The following ESR1 variants were observed in gnomAD, a reference collection of about 807,000 sequenced individuals.
ESR1 encodes estrogen receptor 1, also known as estrogen receptor.
ESR1 carries 12 observed loss-of-function variants against 52.7 expected under a neutral mutation model. The observed-to-expected ratio is 0.23, with a 90% CI of 0.15 to 0.37. The LOEUF is 0.37. Among genes scored for constraint, ESR1 ranks in the 10% least tolerant of loss-of-function variants. ESR1 has a pLI of 1.00. For synonymous variants in ESR1, 305 were observed against 316.8 expected (o/e 0.96, Z 0.39); for missense variants, 584 against 779.7 (o/e 0.75, Z 2.99).
chr6:152,090,624 C>T (rs987381457), intron 6 of ESR1, among the ~76,000 whole-genome samples: 2 of 152,174 alleles, frequency 1.3e-5, no homozygotes, highest in Non-Finnish European at 2.9e-5. Context: ...CTCCAGCTTC[C>T]GGAAGACTCC....
chr6:152,122,778 C>G lies in ESR1; in HGVS notation c.851-2488C>G, dbSNP rs930046198. 4 of 1,571,750 alleles carry G rather than the reference C, an allele frequency of 2.5e-6. No homozygotes were observed. The African/African-American group carries it at 5.4e-5, about 21-fold the overall frequency. Reference sequence around the variant, plus strand: ...CTGGAAGCTAAAGGGCCATGCCAAGCACACCCCAGCCTGGCGATCAGCTGC... The same window carrying G: ...CTGGAAGCTAAAGGGCCATGCCAAGGACACCCCAGCCTGGCGATCAGCTGC... On this transcript the variant is annotated intron_variant, in intron 6 of 6. Transcript: ENST00000427531.
chr6:151,894,011 C>T (rs941089926), intron 3 of ESR1, among the ~76,000 whole-genome samples: 30 of 152,298 alleles, frequency 2.0e-4, no homozygotes, highest in Non-Finnish European at 2.8e-4. Flanking sequence ...TACATTCCCA[C>T]CAGCAGTATA....
At position 151,776,119 on chromosome 6, in the gene ESR1, G is replaced by T. The variant is rs78560648; in HGVS notation, c.-70-31724G>T. Among the ~76,000 whole-genome samples the T allele has an allele frequency of 1.2e-4, 18 of 152,304 alleles. No homozygotes were observed. In the East Asian group the frequency reaches 3.5e-3, roughly 29 times the overall value. On this transcript the variant is annotated intron_variant, in intron 2 of 2. Transcript: ENST00000404742. ...GAGGCAGGAAGAGCAGGTAAAGCAA[G>T]TTCGAGGAAAGAGGCTGGGTCAGAG...
intron 3 of ESR1, among the ~76,000 whole-genome samples, chr6:151,930,303 G>T (rs969862503): frequency 6.6e-6 from 1 of 152,048 alleles, no homozygotes; most frequent in African/African-American, 2.4e-5. Flanking sequence ...CTTCTTTAAA[G>T]AATTTTTGTA....
upstream of ESR1, among the ~76,000 whole-genome samples, chr6:151,801,051 GGTGTGTGTGTGTGTGTGT>G (rs3062689): frequency 2.7e-5 from 4 of 147,612 alleles, no homozygotes; most frequent in Admixed American, 2.0e-4. Flanking sequence ...TTGATTATGT[GGTGTGTGTGTGTGTGTGT>G]GTGTGTGTGT....
intron 6 of ESR1, among the ~76,000 whole-genome samples, chr6:152,114,771 G>A (rs891861475): frequency 4.0e-5 from 6 of 149,686 alleles, no homozygotes; most frequent in East Asian, 2.0e-4. Flanking sequence ...GGCGCCTGTA[G>A]TCCCAGCTAC....
At chr6:151,813,816 G>C (rs1359249554) in intron 1 of ESR1, among the ~76,000 whole-genome samples, 1 of 152,236 alleles carries the variant, frequency 6.6e-6, no homozygotes, top group Admixed American at 6.5e-5. Flanking sequence ...AATTATAAAA[G>C]TTCACTTAAA....
chr6:152,000,858 T>C (rs368317013), intron 4 of ESR1, among the ~76,000 whole-genome samples: 17 of 152,168 alleles, frequency 1.1e-4, no homozygotes, highest in East Asian at 7.7e-4. Flanking sequence ...AACAAGAGGC[T>C]TTGCAATCTT....
At chr6:152,072,175 A>G (rs889353173) in intron 6 of ESR1, among the ~76,000 whole-genome samples, 3 of 152,218 alleles carry the variant, frequency 2.0e-5, no homozygotes, top group Admixed American at 6.5e-5. Flanking sequence ...GAAACAAATT[A>G]TCTTCTCTCA....
chr6:151,847,732 C>A (rs1369125885), intron 2 of ESR1, among the ~76,000 whole-genome samples: 1 of 127,874 alleles, frequency 7.8e-6, no homozygotes, highest in Non-Finnish European at 1.7e-5. Context: ...TGTGCAGAAG[C>A]TCTTTAGTTT....
intron 3 of ESR1, among the ~76,000 whole-genome samples, chr6:151,937,313 T>C (rs2034480684): frequency 6.6e-6 from 1 of 152,210 alleles, no homozygotes; most frequent in African/African-American, 2.4e-5. Flanking sequence ...TCAACAGCAC[T>C]ACCTCTGGTA....
chr6:151,831,686 T>A (rs1782444239), intron 1 of ESR1, among the ~76,000 whole-genome samples: 2 of 152,198 alleles, frequency 1.3e-5, no homozygotes, highest in South Asian at 4.1e-4. Flanking sequence ...CTTGGCTACC[T>A]TGGTTACTAT....
At chr6:151,921,141 G>C (rs548486064) in intron 3 of ESR1, among the ~76,000 whole-genome samples, 2 of 152,060 alleles carry the variant, frequency 1.3e-5, no homozygotes, top group Non-Finnish European at 1.5e-5. Context: ...GTGTCCATGT[G>C]TTCTCATTGT....
At chr6:152,107,820 A>G (rs1318692260), downstream of ESR1, among the ~76,000 whole-genome samples, 1 of 152,148 alleles carries the variant, frequency 6.6e-6, no homozygotes, top group Non-Finnish European at 1.5e-5. Context: ...ACTTGCCTCT[A>G]CTAGTATTTG....
At chr6:151,802,603 T>C (rs1777373118), upstream of ESR1, among the ~76,000 whole-genome samples, 2 of 152,232 alleles carry the variant, frequency 1.3e-5, no homozygotes, top group African/African-American at 4.8e-5. Flanking sequence ...CTGCCAAGAA[T>C]TGCAGACTTA....
intron 7 of ESR1, among the ~76,000 whole-genome samples, chr6:152,095,272 G>A (rs2050516432): frequency 6.6e-6 from 1 of 152,118 alleles, no homozygotes; most frequent in African/African-American, 2.4e-5. Flanking sequence ...TACTCCTTAT[G>A]ATTCAGCCCT....
chr6:151,735,989 C>T lies in ESR1; in HGVS notation c.-71+33984C>T, dbSNP rs548917055. ...CCGCCATGTAAGACATGCCTCTTCC[C>T]CTTCTGCCATAATTGTAAGTTTCCT... is the stretch of plus-strand genomic sequence containing the variant. On this transcript the variant is annotated intron_variant, in intron 2 of 2. Transcript: ENST00000404742. Among the ~76,000 whole-genome samples, 5 of 152,282 alleles carry T rather than the reference C, an allele frequency of 3.3e-5. No homozygotes were observed. In the South Asian group the frequency reaches 1.0e-3, roughly 32 times the overall value.
At chr6:151,865,581 C>CGAA (rs1392029811) in intron 2 of ESR1, among the ~76,000 whole-genome samples, 3 of 152,104 alleles carry the variant, frequency 2.0e-5, no homozygotes, top group Non-Finnish European at 4.4e-5. Flanking sequence ...TCTTTGAAAG[C>CGAA]AGTAAAAAGA....
At chr6:151,970,382 G>C (rs572560723) in intron 4 of ESR1, among the ~76,000 whole-genome samples, 1 of 152,052 alleles carries the variant, frequency 6.6e-6, no homozygotes, top group South Asian at 2.1e-4. Context: ...CCTCCCACAA[G>C]CATATACAAA....
Sources: allele counts gnomAD v4.1 joint callset (sites outside exome capture counted in the v4.1 genomes callset), GRCh38; gene constraint gnomAD v4.1.1; transcripts MANE v1.5; gene names NCBI Gene and HGNC (gene_info 2026-07-23, HGNC 2026-07-21).